The following ERICH1 variants were observed in gnomAD, a reference collection of about 807,000 sequenced individuals.
The protein encoded by ERICH1 is glutamate-rich protein 1.
ERICH1 carries 56 observed loss-of-function variants against 39.6 expected under a neutral mutation model. The ratio of observed to expected loss-of-function variants is 1.41; its 90% CI spans 1.14 to 1.77. The LOEUF (loss-of-function observed/expected upper bound fraction) is 1.77, where lower values mean the gene tolerates loss of function less well. Ranked by LOEUF, ERICH1 falls within the 40% of genes most tolerant of loss-of-function variation. ERICH1 has a pLI of 0.00. For missense variants in ERICH1, 826 were observed against 575.4 expected, an observed-to-expected ratio of 1.44 and a Z score of -4.45; for synonymous variants, 313 against 223.6, an observed-to-expected ratio of 1.40 and a Z score of -3.57.
chr8:726,645 C>A (rs1818757206), intron 1 of ERICH1, among the ~76,000 whole-genome samples: 1 of 150,602 alleles, frequency 6.6e-6, no homozygotes, highest in Non-Finnish European at 1.5e-5. Flanking sequence ...CACAGACACA[C>A]ATGTACACAA....
At chr8:678,328 G>T (rs1805329635) in intron 3 of ERICH1, among the ~76,000 whole-genome samples, 1 of 152,076 alleles carries the variant, frequency 6.6e-6, no homozygotes, top group Non-Finnish European at 1.5e-5. Flanking sequence ...ACGTCTTGTT[G>T]GTGTTAAGAA....
chr8:616,801 G>C (rs149749307), intron 3 of ERICH1, among the ~76,000 whole-genome samples: 18 of 85,806 alleles, frequency 2.1e-4, no homozygotes, highest in Non-Finnish European at 3.5e-4. Flanking sequence ...ATGGGGAAGA[G>C]AGGGGGGAGG....
At chr8:710,641 G>A (rs1457627349) in intron 2 of ERICH1, among the ~76,000 whole-genome samples, 1 of 152,238 alleles carries the variant, frequency 6.6e-6, no homozygotes. Flanking sequence ...AGCCTTTTCA[G>A]ATCGGTTTCT....
chr8:713,006 G>A (rs988870304), intron 2 of ERICH1, among the ~76,000 whole-genome samples: 1 of 152,242 alleles, frequency 6.6e-6, no homozygotes, highest in Non-Finnish European at 1.5e-5. Context: ...TTCTCTCACA[G>A]CCCGGAAGGC....
chr8:619,817 G>A (rs1393586605), intron 3 of ERICH1, among the ~76,000 whole-genome samples: 1 of 152,148 alleles, frequency 6.6e-6, no homozygotes, highest in Non-Finnish European at 1.5e-5. Context: ...GTATGTTTCT[G>A]TATTTCACTG....
Position 664,320 on chromosome 8 carries a change from G to C in ERICH1, c.*283C>G. 1.8e-6 allele frequency: 2 copies of C among 1,081,944 alleles called. No individual in the cohort carries two copies. Among genetic ancestry groups the C allele is most frequent in the Non-Finnish European group, 1.1e-6 (1 of 892,524 alleles). The allele number at this position is 1,081,944 out of a possible 1,614,324, so 67.0% of individuals were successfully genotyped here. A position where few individuals can be genotyped will look rare whatever the true frequency, so the allele number is the denominator to read the frequency against. On this transcript the variant is annotated 3_prime_UTR_variant, in exon 6 of 6. Coordinates refer to ENST00000262109, the MANE Select transcript of ERICH1 (RefSeq NM_207332.3). Reference sequence around the variant, plus strand: ...TTCAAACTATACATTTAACTTAACAGAATGTCCATTTTCAATTTTTACAAT... The same window carrying C: ...TTCAAACTATACATTTAACTTAACACAATGTCCATTTTCAATTTTTACAAT...
intron 3 of ERICH1, among the ~76,000 whole-genome samples, chr8:621,284 A>G (rs1043185912): frequency 1.3e-5 from 2 of 152,266 alleles, no homozygotes; most frequent in South Asian, 2.1e-4. Context: ...GCCCAGAGGA[A>G]AAGTTATAGC....
intron 3 of ERICH1, among the ~76,000 whole-genome samples, chr8:639,215 G>C (rs747061431): frequency 1.3e-5 from 2 of 152,160 alleles, no homozygotes; most frequent in Non-Finnish European, 2.9e-5. Flanking sequence ...GGTCTGAAGT[G>C]CAGGCTGTGT....
intron 3 of ERICH1, among the ~76,000 whole-genome samples, chr8:680,552 T>C (rs1805881998): frequency 7.5e-6 from 1 of 133,124 alleles, no homozygotes; most frequent in Non-Finnish European, 1.5e-5. Flanking sequence ...TCCAAGAGAA[T>C]CCACAGCTGC....
intron 3 of ERICH1, among the ~76,000 whole-genome samples, chr8:634,540 C>T (rs1280658480): frequency 2.6e-5 from 4 of 152,238 alleles, no homozygotes; most frequent in Non-Finnish European, 2.9e-5. Context: ...CCCCGTCGGG[C>T]GGGCACCTTC....
chr8:667,524 C>T (rs1802449672), intron 5 of ERICH1: 1 of 153,092 alleles, frequency 6.5e-6, no homozygotes. Context: ...GAGCAAGCGC[C>T]CCAGGGTGGG....
At position 674,764 on chromosome 8, in the gene ERICH1, C is replaced by T. The variant is rs143794266; in HGVS notation, c.305-717G>A. On this transcript the variant is annotated intron_variant, in intron 3 of 5. Transcript: ENST00000262109. ...ATAAAAAATAAGTAATGATGATTTG[C>T]CCATCTGAGTCAGCATCAGGTTGCG... Among the ~76,000 whole-genome samples the T allele has an allele frequency of 8.4e-4, 128 of 152,286 alleles. No individual in the cohort carries two copies. In the East Asian group the frequency reaches 0.022, roughly 27 times the overall value.
At chr8:724,100 A>T (rs2132436654) in intron 1 of ERICH1, among the ~76,000 whole-genome samples, 1 of 152,346 alleles carries the variant, frequency 6.6e-6, no homozygotes, top group East Asian at 1.9e-4. Flanking sequence ...ATAATCCTCA[A>T]ATGGGACATC....
chr8:707,973 G>A (rs991500210), intron 2 of ERICH1, among the ~76,000 whole-genome samples: 1 of 152,104 alleles, frequency 6.6e-6, no homozygotes, highest in Non-Finnish European at 1.5e-5. Flanking sequence ...AATTAAAACT[G>A]GGCAAAGGAC....
chr8:652,790 G>A lies in ERICH1; in HGVS notation c.976+15808C>T, dbSNP rs578166764. ...ACAAAACAACCCAAAAGTAGGCACG[G>A]GACCGGAATGGAAATTCTCCTAAGA... On this transcript the variant is annotated intron_variant, in intron 3 of 3. Transcript: ENST00000522706. Among the ~76,000 whole-genome samples the A allele has an allele frequency of 2.6e-5, 4 of 152,304 alleles. No homozygotes were observed. In the South Asian group the frequency reaches 8.3e-4, roughly 32 times the overall value.
At chr8:633,170 G>T (rs965035829) in intron 3 of ERICH1, among the ~76,000 whole-genome samples, 18 of 152,284 alleles carry the variant, frequency 1.2e-4, no homozygotes, top group African/African-American at 4.3e-4. Context: ...CCCGCGTGGG[G>T]CCGCCCAGGA....
At chr8:704,823 G>A (rs1563310272) in intron 2 of ERICH1, among the ~76,000 whole-genome samples, 1 of 152,172 alleles carries the variant, frequency 6.6e-6, no homozygotes. Flanking sequence ...GAAAGGGGGG[G>A]TGGTTTTACC....
At chr8:718,187 G>A (rs994360750) in intron 1 of ERICH1, among the ~76,000 whole-genome samples, 9 of 151,510 alleles carry the variant, frequency 5.9e-5, no homozygotes, top group Non-Finnish European at 1.3e-4. Context: ...ACACACCAGG[G>A]TACAGATTGG....
intron 2 of ERICH1, among the ~76,000 whole-genome samples, chr8:705,031 T>G (rs1812946334): frequency 6.6e-6 from 1 of 152,252 alleles, no homozygotes; most frequent in Admixed American, 6.5e-5. Flanking sequence ...GTTATTTTGG[T>G]TGTTGACAAA....
Sources: gnomAD v4.1 joint callset for allele counts (sites outside exome capture counted in the v4.1 genomes callset) on GRCh38, gnomAD v4.1.1 for gene constraint, MANE v1.5 for transcripts, NCBI Gene and HGNC (gene_info 2026-07-23, HGNC 2026-07-21) for gene names.